The following GPR39 variants were observed in gnomAD, a reference collection of about 807,000 sequenced individuals.
The protein encoded by GPR39 is zinc sensing receptor.
GPR39 carries 23 observed loss-of-function variants against 18.4 expected under a neutral mutation model. The ratio of observed to expected loss-of-function variants is 1.25; its 90% CI spans 0.90 to 1.77. The LOEUF (loss-of-function observed/expected upper bound fraction) is 1.77. GPR39 is among the 40% of genes most tolerant of loss of function. The pLI, the probability that GPR39 is intolerant of heterozygous loss-of-function variation, is 0.00. For synonymous variants in GPR39, 280 were observed against 257.9 expected (o/e 1.09, Z -0.82); for missense variants, 647 against 602.4 (o/e 1.07, Z -0.78).
intron 1 of GPR39, among the ~76,000 whole-genome samples, chr2:132,461,740 G>A (rs1301662816): frequency 1.1e-4 from 16 of 152,170 alleles, no homozygotes; most frequent in Non-Finnish European, 2.4e-4. Flanking sequence ...ACTAATCATA[G>A]TATTAAAGCA....
At chr2:132,565,470 T>C (rs1680332992) in intron 1 of GPR39, among the ~76,000 whole-genome samples, 1 of 150,202 alleles carries the variant, frequency 6.7e-6, no homozygotes, top group Non-Finnish European at 1.5e-5. Flanking sequence ...TACATATGTA[T>C]ACATGTGCCA....
intron 1 of GPR39, among the ~76,000 whole-genome samples, chr2:132,471,156 G>A (rs937852765): frequency 6.6e-6 from 1 of 151,946 alleles, no homozygotes; most frequent in African/African-American, 2.4e-5. Context: ...AGAAGCAAGG[G>A]GGTCTGTTGC....
chr2:132,469,450 TC>T (rs1231398558), intron 1 of GPR39, among the ~76,000 whole-genome samples: 2 of 152,210 alleles, frequency 1.3e-5, no homozygotes, highest in Non-Finnish European at 2.9e-5. Flanking sequence ...ACAGGGTAAT[TC>T]CCTTTGCCCT....
intron 1 of GPR39, among the ~76,000 whole-genome samples, chr2:132,610,865 C>A (rs1029665730): frequency 1.3e-5 from 2 of 152,016 alleles, no homozygotes; most frequent in Non-Finnish European, 2.9e-5. Context: ...TTCCAAGGCC[C>A]CTGAGCTCCT....
chr2:132,468,113 T>C (rs1680964638), intron 1 of GPR39, among the ~76,000 whole-genome samples: 1 of 152,204 alleles, frequency 6.6e-6, no homozygotes, highest in African/African-American at 2.4e-5. Flanking sequence ...AAATTCTTTT[T>C]TTTTCTGCTA....
chr2:132,546,567 C>G (rs1041606786), intron 1 of GPR39, among the ~76,000 whole-genome samples: 1 of 152,110 alleles, frequency 6.6e-6, no homozygotes, highest in Non-Finnish European at 1.5e-5. Context: ...TGGGGCTTGT[C>G]TACCCAGTAT....
chr2:132,569,596 A>G (rs919287269), intron 1 of GPR39, among the ~76,000 whole-genome samples: 1 of 138,318 alleles, frequency 7.2e-6, no homozygotes, highest in East Asian at 2.4e-4. Context: ...TGTCACCTAG[A>G]TCCAGAGTCC....
intron 1 of GPR39, among the ~76,000 whole-genome samples, chr2:132,528,935 C>G (rs1679559420): frequency 6.6e-6 from 1 of 152,166 alleles, no homozygotes; most frequent in East Asian, 1.9e-4. Flanking sequence ...CAGCTCCCAG[C>G]ATGAGCGATG....
At chr2:132,468,164 T>C (rs1015234567) in intron 1 of GPR39, among the ~76,000 whole-genome samples, 6 of 152,160 alleles carry the variant, frequency 3.9e-5, no homozygotes, top group African/African-American at 9.7e-5. Context: ...ATCTCCAAAA[T>C]TGAACTTGAC....
chr2:132,444,557 A>C (rs1680501420), intron 1 of GPR39, among the ~76,000 whole-genome samples: 1 of 152,178 alleles, frequency 6.6e-6, no homozygotes. Context: ...CACAGTGTTA[A>C]GATTACAGGC....
At chr2:132,434,790 G>A (rs1372957100) in intron 1 of GPR39, among the ~76,000 whole-genome samples, 1 of 152,154 alleles carries the variant, frequency 6.6e-6, no homozygotes, top group Non-Finnish European at 1.5e-5. Flanking sequence ...ATTTACAATA[G>A]AGCCGATTCA....
chr2:132,480,066 A>G (rs1681204365), intron 1 of GPR39, among the ~76,000 whole-genome samples: 1 of 152,234 alleles, frequency 6.6e-6, no homozygotes, highest in Non-Finnish European at 1.5e-5. Flanking sequence ...GTAGTGGAAT[A>G]TTATTCAGTC....
chr2:132,485,757 T>A (rs1223502593), intron 1 of GPR39, among the ~76,000 whole-genome samples: 1 of 152,228 alleles, frequency 6.6e-6, no homozygotes, highest in Non-Finnish European at 1.5e-5. Context: ...CCATATATGC[T>A]ATTATTTCTT....
chr2:132,506,621 G>A (rs1355862871), intron 1 of GPR39, among the ~76,000 whole-genome samples: 1 of 152,170 alleles, frequency 6.6e-6, no homozygotes, highest in Non-Finnish European at 1.5e-5. Context: ...CAGCAGGAGA[G>A]AGAATGAGTG....
chr2:132,645,288 G>A lies in GPR39; in HGVS notation c.1044G>A (p.Ser348=), dbSNP rs758833762. The A allele has an allele frequency of 5.6e-6, 9 of 1,614,022 alleles. No homozygotes were observed. The highest frequency in any genetic ancestry group is 1.6e-4 in the Middle Eastern group (1 of 6,084). ...ACCCGCTCCTGTACACGGTGTCCTC[G>A]CAGCAGTTTCGGCGGGTGTTCGTGC... ...VINPLLYTVS[S]QQFRRVFVQV... The change falls in exon 2 of 2, where the codon TCG becomes TCA. Residue 348 remains serine (S), a synonymous_variant. Transcript: ENST00000329321.
chr2:132,486,918 G>A (rs973190038), intron 1 of GPR39, among the ~76,000 whole-genome samples: 2 of 152,126 alleles, frequency 1.3e-5, no homozygotes, highest in Admixed American at 6.5e-5. Flanking sequence ...AGCCTAACTC[G>A]GCTTTCGACA....
chr2:132,494,788 C>CT (rs1268690937), intron 1 of GPR39, among the ~76,000 whole-genome samples: 10 of 152,142 alleles, frequency 6.6e-5, no homozygotes, highest in African/African-American at 2.4e-4. Flanking sequence ...TTCCTCCTTT[C>CT]TTTATATTTG....
intron 1 of GPR39, among the ~76,000 whole-genome samples, chr2:132,605,283 G>A (rs946734317): frequency 6.6e-6 from 1 of 151,846 alleles, no homozygotes; most frequent in Non-Finnish European, 1.5e-5. Flanking sequence ...GGTAAATGAA[G>A]TGGATGTGGG....
chr2:132,580,968 A>T (rs1020922742), intron 1 of GPR39, among the ~76,000 whole-genome samples: 2 of 149,000 alleles, frequency 1.3e-5, no homozygotes, highest in Admixed American at 1.3e-4. Context: ...CTCAAAAAAA[A>T]AAAACAAAAA....
Sources: allele counts gnomAD v4.1 joint callset (sites outside exome capture counted in the v4.1 genomes callset), GRCh38; gene constraint gnomAD v4.1.1; transcripts MANE v1.5; gene names NCBI Gene and HGNC (gene_info 2026-07-23, HGNC 2026-07-21).